The following ATG10 variants were observed in gnomAD, a reference collection of about 807,000 sequenced individuals.
ATG10 encodes autophagy related 10.
A neutral mutation model predicts 32.1 loss-of-function variants in ATG10; 30 were observed. The ratio of observed to expected loss-of-function variants is 0.94; its 90% CI spans 0.70 to 1.27. The LOEUF is 1.27. ATG10 is among the 50% of genes most tolerant of loss of function. ATG10 has a pLI of 0.00. For missense variants in ATG10, 233 were observed against 262.3 expected, an observed-to-expected ratio of 0.89 and a Z score of 0.77; for synonymous variants, 87 against 91.5, an observed-to-expected ratio of 0.95 and a Z score of 0.28.
At chr5:82,070,526 C>T (rs187329115) in intron 3 of ATG10, among the ~76,000 whole-genome samples, 10 of 152,124 alleles carry the variant, frequency 6.6e-5, no homozygotes, top group Admixed American at 2.0e-4. Flanking sequence ...TCTCTGTCCA[C>T]AACTTCCTTA....
At chr5:82,154,190 T>G (rs1310289919) in intron 3 of ATG10, among the ~76,000 whole-genome samples, 1 of 152,226 alleles carries the variant, frequency 6.6e-6, no homozygotes, top group East Asian at 1.9e-4. Context: ...ATTTTAGTGT[T>G]CATTAATGAT....
intron 5 of ATG10, among the ~76,000 whole-genome samples, chr5:82,232,545 G>A (rs1016348146): frequency 1.3e-5 from 2 of 152,212 alleles, no homozygotes; most frequent in Admixed American, 1.3e-4. Context: ...ATATATTAAT[G>A]CATAGCTTGG....
chr5:82,041,993 A>G (rs1581628447), intron 2 of ATG10, among the ~76,000 whole-genome samples: 1 of 151,854 alleles, frequency 6.6e-6, no homozygotes, highest in Non-Finnish European at 1.5e-5. Flanking sequence ...CATTATTCTC[A>G]TGCTTTCTTC....
chr5:82,110,331 G>A (rs981618772), intron 3 of ATG10, among the ~76,000 whole-genome samples: 14 of 152,116 alleles, frequency 9.2e-5, no homozygotes, highest in African/African-American at 3.4e-4. Context: ...GGGATGGCTG[G>A]GTCAAATGGT....
intron 5 of ATG10, among the ~76,000 whole-genome samples, chr5:82,210,504 T>A (rs1049750327): frequency 1.1e-4 from 17 of 152,216 alleles, no homozygotes; most frequent in Non-Finnish European, 2.9e-5. Context: ...TACCCTGAAC[T>A]TTCAGGATCA....
At chr5:82,178,923 A>T (rs1744134019) in intron 5 of ATG10, among the ~76,000 whole-genome samples, 1 of 152,090 alleles carries the variant, frequency 6.6e-6, no homozygotes, top group African/African-American at 2.4e-5. Flanking sequence ...ATCCTGATAA[A>T]CCCATCGTAA....
intron 2 of ATG10, among the ~76,000 whole-genome samples, chr5:82,024,343 C>T (rs1762535845): frequency 6.6e-6 from 1 of 152,192 alleles, no homozygotes; most frequent in African/African-American, 2.4e-5. Flanking sequence ...GGCAGCATTA[C>T]TCAAAGCGTG....
chr5:82,209,773 C>T (rs922890814), intron 5 of ATG10, among the ~76,000 whole-genome samples: 1 of 151,924 alleles, frequency 6.6e-6, no homozygotes, highest in Non-Finnish European at 1.5e-5. Flanking sequence ...AAATAGATTG[C>T]TTTTGCCCCA....
chr5:81,975,999 T>A (rs1760862259), intron 1 of ATG10, among the ~76,000 whole-genome samples: 1 of 149,170 alleles, frequency 6.7e-6, no homozygotes, highest in South Asian at 2.1e-4. Context: ...TATTTATTTA[T>A]TTTATCTTTT....
intron 5 of ATG10, among the ~76,000 whole-genome samples, chr5:82,214,312 T>C (rs1426869915): frequency 6.6e-6 from 1 of 152,192 alleles, no homozygotes; most frequent in Non-Finnish European, 1.5e-5. Flanking sequence ...AATCTGTGAA[T>C]AGAGTTAACT....
intron 2 of ATG10, among the ~76,000 whole-genome samples, chr5:82,011,784 A>T (rs1762134182): frequency 6.6e-6 from 1 of 152,106 alleles, no homozygotes; most frequent in African/African-American, 2.4e-5. Flanking sequence ...CTGCGTCTAC[A>T]CAAAGCCTCC....
At chr5:82,250,241 C>A (rs1343986712) in intron 5 of ATG10, among the ~76,000 whole-genome samples, 1 of 152,144 alleles carries the variant, frequency 6.6e-6, no homozygotes, top group Non-Finnish European at 1.5e-5. Context: ...GGGTCATCTG[C>A]CCCCACATTC....
intron 5 of ATG10, among the ~76,000 whole-genome samples, chr5:82,221,213 C>G (rs1745912920): frequency 6.6e-6 from 1 of 152,176 alleles, no homozygotes. Flanking sequence ...TGCAATACCT[C>G]TGCATTTCTC....
At chr5:81,979,102 G>A (rs1323249233) in intron 1 of ATG10, among the ~76,000 whole-genome samples, 2 of 152,054 alleles carry the variant, frequency 1.3e-5, no homozygotes, top group African/African-American at 2.4e-5. Context: ...ATTTTGCCAT[G>A]TTTGCCAGGC....
At chr5:82,085,834 T>C (rs2149787702) in intron 3 of ATG10, among the ~76,000 whole-genome samples, 1 of 152,278 alleles carries the variant, frequency 6.6e-6, no homozygotes, top group East Asian at 1.9e-4. Flanking sequence ...ATTAAAGGAC[T>C]ATTTTACTTA....
At chr5:82,003,967 C>T (rs756955656) in intron 2 of ATG10, among the ~76,000 whole-genome samples, 3 of 152,028 alleles carry the variant, frequency 2.0e-5, no homozygotes, top group Non-Finnish European at 2.9e-5. Context: ...TGGTGAAATC[C>T]CATCTCTACT....
intron 5 of ATG10, among the ~76,000 whole-genome samples, chr5:82,244,283 C>T (rs762363658): frequency 6.6e-6 from 1 of 152,146 alleles, no homozygotes; most frequent in Non-Finnish European, 1.5e-5. Flanking sequence ...AAGTCAGGAA[C>T]TATCTTAGAC....
intron 3 of ATG10, among the ~76,000 whole-genome samples, chr5:82,138,265 C>A (rs1766852394): frequency 6.6e-6 from 1 of 152,096 alleles, no homozygotes; most frequent in Non-Finnish European, 1.5e-5. Flanking sequence ...CCAGGAGCCA[C>A]TGGGGTATGA....
intron 2 of ATG10, among the ~76,000 whole-genome samples, chr5:82,022,782 A>G (rs1370409543): frequency 1.3e-5 from 2 of 152,038 alleles, no homozygotes; most frequent in East Asian, 3.8e-4. Context: ...AGGCTTAGAG[A>G]AAGTAAATGA....
Sources: allele counts gnomAD v4.1 joint callset (sites outside exome capture counted in the v4.1 genomes callset), GRCh38; gene constraint gnomAD v4.1.1; transcripts MANE v1.5; gene names NCBI Gene and HGNC (gene_info 2026-07-23, HGNC 2026-07-21).